Variants in TIAM1 observed in about 807,000 individuals in gnomAD.
TIAM1 encodes rho guanine nucleotide exchange factor TIAM1.
In TIAM1, 65 loss-of-function variants were observed where a neutral mutation model predicts 163.5. The ratio of observed to expected loss-of-function variants is 0.40; its 90% CI spans 0.33 to 0.49. The LOEUF (loss-of-function observed/expected upper bound fraction) is 0.49. TIAM1 is among the 20% of genes least tolerant of loss of function. The pLI is 0.77. For synonymous variants in TIAM1, 833 were observed against 810.1 expected (o/e 1.03, Z -0.48); for missense variants, 1,789 against 2,044.7 (o/e 0.87, Z 2.41).
At chr21:31,425,525 A>T (rs1176358617) in intron 2 of TIAM1, among the ~76,000 whole-genome samples, 1 of 151,032 alleles carries the variant, frequency 6.6e-6, no homozygotes, top group Non-Finnish European at 1.5e-5. Context: ...ATTCTGGTTT[A>T]GTTGGTCTGC....
At position 31,266,384 on chromosome 21, in the gene TIAM1, C is replaced by T. The variant is rs867996590; in HGVS notation, c.589G>A (p.Glu197Lys). The change falls in exon 4 of 28, where the codon GAA (glutamate) becomes AAA (lysine). Residue 197 changes from glutamate to lysine, a missense_variant. This residue lies in a region of TIAM1 where 555 missense variants were observed against 564.9 expected (regional missense o/e 0.98). Coordinates refer to ENST00000541036, the MANE Select transcript of TIAM1 (RefSeq NM_001353694.2). ...TCTTCGGCGGAACCCAAGATTTCTT[C>T]GTTGCTTGTTAAATGTTCTTGGCTC... ...DLSQEHLTSN[E>K]EILGSAEEKD... 1 of 1,614,228 alleles carries T rather than the reference C, an allele frequency of 6.2e-7. No individual in the cohort carries two copies. The highest frequency in any genetic ancestry group is 1.1e-5 in the South Asian group (1 of 91,084).
At chr21:31,465,000 A>C (rs960153275) in intron 1 of TIAM1, among the ~76,000 whole-genome samples, 2 of 151,960 alleles carry the variant, frequency 1.3e-5, no homozygotes, top group Non-Finnish European at 2.9e-5. Flanking sequence ...ACAGAGTGAG[A>C]CTCTGCCTAA....
At chr21:31,296,898 C>T (rs578086022) in intron 2 of TIAM1, among the ~76,000 whole-genome samples, 171 of 152,292 alleles carry the variant, frequency 1.1e-3, no homozygotes, top group Non-Finnish European at 2.0e-3. Context: ...TTCCTGACCT[C>T]ATAATCCGCC....
chr21:31,506,882 ACTCCAGCCTGGGCGACAGAGGGAGACC>A (rs2047046543), intron 1 of TIAM1, among the ~76,000 whole-genome samples: 1 of 152,116 alleles, frequency 6.6e-6, no homozygotes, highest in South Asian at 2.1e-4. Context: ...GTGCCACTAT[ACTCCAGCCTGGGCGACAGAGGGAGACC>A]CTGTCTCAAA....
chr21:31,252,292 G>C (rs911305968), intron 4 of TIAM1, 103 bp from the exon 5 acceptor site: 16 of 1,280,390 alleles, frequency 1.2e-5, no homozygotes, highest in Non-Finnish European at 1.6e-5. Flanking sequence ...CTCTGTAGCA[G>C]CGGGATACGC....
At chr21:31,548,913 A>G (rs2048590843) in intron 1 of TIAM1, among the ~76,000 whole-genome samples, 1 of 152,168 alleles carries the variant, frequency 6.6e-6, no homozygotes, top group African/African-American at 2.4e-5. Context: ...TCTAGCCATG[A>G]CAACCAAAAA....
chr21:31,418,002 C>T (rs903159160), intron 2 of TIAM1, among the ~76,000 whole-genome samples: 3 of 152,196 alleles, frequency 2.0e-5, no homozygotes, highest in Middle Eastern at 3.4e-3. Flanking sequence ...GTTTTTATTT[C>T]GGGGCAATTG....
At chr21:31,401,535 T>C (rs973101910) in intron 2 of TIAM1, among the ~76,000 whole-genome samples, 3 of 152,196 alleles carry the variant, frequency 2.0e-5, no homozygotes, top group Non-Finnish European at 4.4e-5. Context: ...AGAGCCTGCC[T>C]GGGCAAGTCT....
rs147531866 is a variant in TIAM1, at chr21:31,251,905, G to A, written c.1248C>T (p.Thr416=). 5.6e-6 allele frequency: 9 copies of A among 1,613,702 alleles called. No homozygotes were observed. The African/African-American group carries it at 6.7e-5, about 12-fold the overall frequency. ...TGTCCGACTGGCCCGGAGAGCTCAGGGTGCCGCTGCTCTGCTCATCGCTGT... is the reference window on the plus strand; with the variant it reads ...TGTCCGACTGGCCCGGAGAGCTCAGAGTGCCGCTGCTCTGCTCATCGCTGT... ...SAHSDEQSSG[T]LSSPGQSDIL... The change falls in exon 5 of 28, where the codon ACC becomes ACT. Residue 416 remains threonine, a synonymous_variant. Coordinates refer to ENST00000541036, the MANE Select transcript of TIAM1 (RefSeq NM_001353694.2).
intron 7 of TIAM1, among the ~76,000 whole-genome samples, chr21:31,225,498 TTCTG>T (rs2087898119): frequency 6.6e-6 from 1 of 152,100 alleles, no homozygotes; most frequent in Non-Finnish European, 1.5e-5. Flanking sequence ...TCTACTGGGT[TTCTG>T]TCTTTCATTC....
intron 17 of TIAM1, among the ~76,000 whole-genome samples, chr21:31,153,699 T>C (rs917490096): frequency 2.8e-5 from 3 of 109,082 alleles, no homozygotes; most frequent in African/African-American, 1.2e-4. Context: ...TCTTATTAGG[T>C]CAACAACACA....
intron 2 of TIAM1, among the ~76,000 whole-genome samples, chr21:31,417,896 T>G (rs1203790802): frequency 3.3e-5 from 5 of 152,068 alleles, no homozygotes; most frequent in African/African-American, 9.7e-5. Flanking sequence ...GGCTGGCACT[T>G]GCCATATGAA....
At chr21:31,551,438 A>G (rs997836764) in intron 1 of TIAM1, among the ~76,000 whole-genome samples, 25 of 151,894 alleles carry the variant, frequency 1.6e-4, no homozygotes, top group Middle Eastern at 3.4e-3. Context: ...AGAAAAAGAA[A>G]GAAAGAAAAA....
chr21:31,524,937 T>C (rs984459976), intron 1 of TIAM1, among the ~76,000 whole-genome samples: 5 of 152,134 alleles, frequency 3.3e-5, no homozygotes, highest in Non-Finnish European at 4.4e-5. Context: ...ATTTGGCTCA[T>C]GGTTCTGCAG....
intron 1 of TIAM1, among the ~76,000 whole-genome samples, chr21:31,503,603 G>GGGGAT (rs1569393665): frequency 1.5e-3 from 1 of 662 alleles, no homozygotes; most frequent in Non-Finnish European, 2.8e-3. Flanking sequence ...GGGGAGGGGA[G>GGGGAT]GGGAGGGGAG....
intron 1 of TIAM1, among the ~76,000 whole-genome samples, chr21:31,534,793 A>G (rs2048075478): frequency 6.6e-6 from 1 of 152,206 alleles, no homozygotes; most frequent in African/African-American, 2.4e-5. Flanking sequence ...CATTGTGAGC[A>G]TTTGACATAT....
In TIAM1 at chr21:31,448,474, T is replaced by C. The variant is rs369210129; in HGVS notation, c.-369+15509A>G. On this transcript the variant is annotated intron_variant, in intron 2 of 28. Transcript: ENST00000286827. ...CAAAAGAATTAGCTAGGCGTGGTAA[T>C]GCGTGCCTGTAGTCCCAGCTACTCA... 2.0e-5 allele frequency among the ~76,000 whole-genome samples: 3 copies of C among 152,110 alleles called. No individual in the cohort carries two copies. In the East Asian group the frequency reaches 5.8e-4, roughly 29 times the overall value.
chr21:31,407,207 C>A (rs567082755), intron 2 of TIAM1, among the ~76,000 whole-genome samples: 7 of 152,290 alleles, frequency 4.6e-5, no homozygotes, highest in African/African-American at 1.4e-4. Flanking sequence ...TAAAACGATT[C>A]CAAACCTCTA....
chr21:31,558,308 T>A (rs2123349644), intron 1 of TIAM1, among the ~76,000 whole-genome samples: 2 of 152,090 alleles, frequency 1.3e-5, no homozygotes, highest in South Asian at 4.1e-4. Context: ...ACCCGCAGGA[T>A]TCCGCTTTTA....
Sources: allele counts gnomAD v4.1 joint callset (sites outside exome capture counted in the v4.1 genomes callset), GRCh38; gene constraint gnomAD v4.1.1; regional missense constraint gnomAD v4.1.1; transcripts MANE v1.5; gene names NCBI Gene and HGNC (gene_info 2026-07-23, HGNC 2026-07-21).